ABLIM2: variants seen among roughly 807,000 people sequenced by gnomAD.
ABLIM2 encodes actin binding LIM protein family member 2.
A neutral mutation model predicts 97.7 loss-of-function variants in ABLIM2; 53 were observed. The ratio of observed to expected loss-of-function variants is 0.54; its 90% confidence interval spans 0.44 to 0.68. The LOEUF (loss-of-function observed/expected upper bound fraction) is 0.68, where lower values mean the gene tolerates loss of function less well. Ranked by LOEUF, ABLIM2 falls within the 30% of genes least tolerant of loss-of-function variation. The probability of loss-of-function intolerance (pLI) is 0.00; values close to 1 mark genes in which losing one functional copy is unlikely to be tolerated. For synonymous variants in ABLIM2, 361 were observed against 345.8 expected, an observed-to-expected ratio of 1.04 and a Z score of -0.49; for missense variants, 835 against 867.2, an observed-to-expected ratio of 0.96 and a Z score of 0.47.
At chr4:8,030,153 C>T (rs1779980277) in intron 10 of ABLIM2, among the ~76,000 whole-genome samples, 1 of 152,192 alleles carries the variant, frequency 6.6e-6, no homozygotes, top group Admixed American at 6.5e-5. Flanking sequence ...GAGACTCCCC[C>T]AGTCCCTATG....
chr4:7,968,236 A>G (rs1185850441), intron 20 of ABLIM2, among the ~76,000 whole-genome samples: 2 of 152,250 alleles, frequency 1.3e-5, no homozygotes, highest in African/African-American at 4.8e-5. Flanking sequence ...GCCTTCTGAA[A>G]AGCGTGGCTT....
At chr4:8,010,526 A>G in intron 14 of ABLIM2, 1 of 985,910 alleles carries the variant, frequency 1.0e-6, no homozygotes, top group Non-Finnish European at 1.2e-6. Context: ...GAGAGCTTGG[A>G]AATTTGGGAT....
Position 8,061,376 on chromosome 4 carries a change from C to A in ABLIM2, c.676-322G>T, listed in dbSNP as rs916101006. Among the ~76,000 whole-genome samples, 4 of 151,954 alleles carry A rather than the reference C, an allele frequency of 2.6e-5. 1 individual carries two copies. The South Asian group carries it at 8.3e-4, about 32-fold the overall frequency. ...TACCAGGCGGCATCCAGAGAGAGGT[C>A]TTGGTATTTCCAGAGGGAGCGGGAG... On this transcript the variant is annotated intron_variant, in intron 6 of 20. Transcript: ENST00000447017. This position sits in a 1 kb window ranked among gnomAD's most constrained non-coding sequence, Gnocchi z 4.5.
At chr4:8,030,155 G>T (rs1400009197) in intron 10 of ABLIM2, among the ~76,000 whole-genome samples, 1 of 152,194 alleles carries the variant, frequency 6.6e-6, no homozygotes, top group African/African-American at 2.4e-5. Context: ...GACTCCCCCA[G>T]TCCCTATGGG....
At chr4:8,077,845 G>T in intron 5 of ABLIM2, 124 bp from the exon 6 acceptor site, 1 of 757,748 alleles carries the variant, frequency 1.3e-6, no homozygotes, top group Non-Finnish European at 2.2e-6. Flanking sequence ...TCCTGCTCAG[G>T]TAACAATGCT....
chr4:8,016,809 G>A (rs912922343), intron 14 of ABLIM2, among the ~76,000 whole-genome samples: 1 of 152,174 alleles, frequency 6.6e-6, no homozygotes, highest in African/African-American at 2.4e-5. Flanking sequence ...ATGAACGGAC[G>A]CCAGCTCCAG....
At chr4:8,086,710 C>A (rs1404801592) in intron 4 of ABLIM2, among the ~76,000 whole-genome samples, 2 of 152,150 alleles carry the variant, frequency 1.3e-5, no homozygotes, top group East Asian at 3.9e-4. Context: ...TGATCTCCCC[C>A]TTTTAAAATT....
intron 1 of ABLIM2, among the ~76,000 whole-genome samples, chr4:8,129,363 G>A (rs1056134098): frequency 1.2e-4 from 19 of 152,212 alleles, no homozygotes; most frequent in African/African-American, 4.6e-4. Context: ...ACCCAGCTCA[G>A]CTGCCTCCAG....
rs1782323362 is a variant in ABLIM2, at chr4:8,033,527, C to A, written c.1047+2622G>T. Among the ~76,000 whole-genome samples the A allele has an allele frequency of 6.6e-6, 1 of 152,216 alleles. No individual in the cohort carries two copies. Among genetic ancestry groups the A allele is most frequent in the Non-Finnish European group, 1.5e-5 (1 of 68,034 alleles). ...GGACACACCTGACCCAGGAGCCCAGCCCTGTCCACCTGCCGAGGCAGGCCC... is the reference window on the plus strand; with the variant it reads ...GGACACACCTGACCCAGGAGCCCAGACCTGTCCACCTGCCGAGGCAGGCCC... On this transcript the variant is annotated intron_variant, in intron 10 of 20. Coordinates refer to ENST00000447017, the MANE Select transcript of ABLIM2 (RefSeq NM_001130083.2). This position sits in a 1 kb window ranked among gnomAD's most constrained non-coding sequence, Gnocchi z 4.5.
chr4:7,971,801 G>A (rs919761717), intron 20 of ABLIM2, among the ~76,000 whole-genome samples: 2 of 152,114 alleles, frequency 1.3e-5, no homozygotes, highest in Non-Finnish European at 2.9e-5. Flanking sequence ...CCCTGGGAGG[G>A]ACTCTGACAC....
rs941413518 is a variant in ABLIM2 at position 8,075,548 on chromosome 4, C to A, written c.675+2080G>T. Among the ~76,000 whole-genome samples the A allele has an allele frequency of 1.3e-5, 2 of 152,058 alleles. No individual in the cohort carries two copies. The highest frequency in any genetic ancestry group is 1.5e-5 in the Non-Finnish European group (1 of 68,008). On this transcript the variant is annotated intron_variant, in intron 6 of 20. Coordinates refer to ENST00000447017, the MANE Select transcript of ABLIM2 (RefSeq NM_001130083.2). The surrounding 1 kb of genome is among the most constrained non-coding windows in gnomAD (Gnocchi z 4.4). Reference sequence around the variant, plus strand: ...TCTCTACAAAAACTACAAAAATTAGCCAGGTGTGGTGGCGCACACCTGTAG... The same window carrying A: ...TCTCTACAAAAACTACAAAAATTAGACAGGTGTGGTGGCGCACACCTGTAG...
intron 1 of ABLIM2, among the ~76,000 whole-genome samples, chr4:8,117,506 C>CACT (rs1843306087): frequency 2.6e-5 from 4 of 151,364 alleles, no homozygotes; most frequent in Admixed American, 6.6e-5. Flanking sequence ...AGACTCCACC[C>CACT]GCTGCAGACT....
intron 1 of ABLIM2, among the ~76,000 whole-genome samples, chr4:8,142,256 C>T (rs1851103786): frequency 6.6e-6 from 1 of 152,200 alleles, no homozygotes; most frequent in South Asian, 2.1e-4. Context: ...GGCACTGACC[C>T]CCACTGCTGT....
At chr4:8,074,518 G>A (rs1438715172) in intron 6 of ABLIM2, among the ~76,000 whole-genome samples, 3 of 152,122 alleles carry the variant, frequency 2.0e-5, no homozygotes, top group African/African-American at 7.2e-5. Flanking sequence ...AGGTTTAGAG[G>A]AGAAATACTA....
At chr4:7,994,031 A>C (rs1220481445) in intron 16 of ABLIM2, 1 of 464,714 alleles carries the variant, frequency 2.2e-6, no homozygotes, top group Non-Finnish European at 4.3e-6. Flanking sequence ...AGGAAGGGGC[A>C]GAGCCTGGAC....
chr4:8,068,482 C>T lies in ABLIM2; in HGVS notation c.676-7428G>A, dbSNP rs1282988603. ...CCAGCAGGACAGAGGTGTGGCAAAG[C>T]TGTCCCGCCTCCAGAAACCCCTCCT... On this transcript the variant is annotated intron_variant, in intron 6 of 20. Coordinates refer to ENST00000447017, the MANE Select transcript of ABLIM2 (RefSeq NM_001130083.2). The surrounding 1 kb of genome is among the most constrained non-coding windows in gnomAD (Gnocchi z 4.5). Among the ~76,000 whole-genome samples the T allele has an allele frequency of 6.6e-6, 1 of 152,172 alleles. No homozygotes were observed. The highest frequency in any genetic ancestry group is 2.1e-4 in the South Asian group (1 of 4,824).
At chr4:8,116,066 C>A (rs988214557) in intron 1 of ABLIM2, among the ~76,000 whole-genome samples, 2 of 152,238 alleles carry the variant, frequency 1.3e-5, no homozygotes, top group African/African-American at 4.8e-5. Flanking sequence ...GAGTCACTCT[C>A]AGCCTTTGGG....
chr4:7,973,836 G>A (rs530253843), intron 20 of ABLIM2, among the ~76,000 whole-genome samples: 17 of 152,220 alleles, frequency 1.1e-4, no homozygotes, highest in South Asian at 4.1e-4. Context: ...ATGTGTCGCC[G>A]TGGCTGGGCT....
rs1437839255 is a variant in ABLIM2 at position 8,061,662 on chromosome 4, A to G, written c.676-608T>C. Among the ~76,000 whole-genome samples the G allele has an allele frequency of 6.6e-6, 1 of 151,764 alleles. No homozygotes were observed. Among genetic ancestry groups the G allele is most frequent in the African/African-American group, 2.4e-5 (1 of 41,280 alleles). On this transcript the variant is annotated intron_variant, in intron 6 of 20. Transcript: ENST00000447017. The surrounding 1 kb of genome is among the most constrained non-coding windows in gnomAD (Gnocchi z 4.5). ...TTATTTTTGCCTGGAGCAAAAAAAA[A>G]AAAAATCACCCCGAAATGCTCCCTT... is the stretch of plus-strand genomic sequence containing the variant.
Sources: gnomAD v4.1 joint callset for allele counts (sites outside exome capture counted in the v4.1 genomes callset) on GRCh38, gnomAD v4.1.1 for gene constraint, Gnocchi (gnomAD v3.1) non-coding constraint, MANE v1.5 for transcripts, NCBI Gene and HGNC (gene_info 2026-07-23, HGNC 2026-07-21) for gene names.